DOK6: variants seen among roughly 807,000 people sequenced by gnomAD.
DOK6 encodes the protein downstream of tyrosine kinase 6.
DOK6 carries 22 observed loss-of-function variants against 44.0 expected under a neutral mutation model. The ratio of observed to expected loss-of-function variants is 0.50; its 90% CI spans 0.36 to 0.71. DOK6 has a LOEUF of 0.71. Ranked by LOEUF, DOK6 falls within the 30% of genes least tolerant of loss-of-function variation. DOK6 has a pLI of 0.00. For missense variants in DOK6, 340 were observed against 416.4 expected (o/e 0.82, Z 1.60); for synonymous variants, 166 against 145.5 (o/e 1.14, Z -1.01).
In DOK6 at chr18:69,653,219, T is replaced by C. The variant is rs548153177; in HGVS notation, c.290-24515T>C. On this transcript the variant is annotated intron_variant, in intron 3 of 7. Transcript: ENST00000382713. Reference sequence around the variant, plus strand: ...CTTGAAGCGTTTGCCAATTCGTAAGTAACACAGGCTGCAAGCCCACCCAGA... The same window carrying C: ...CTTGAAGCGTTTGCCAATTCGTAAGCAACACAGGCTGCAAGCCCACCCAGA... Among the ~76,000 whole-genome samples the C allele has an allele frequency of 6.6e-5, 10 of 151,476 alleles. No individual in the cohort carries two copies. In the East Asian group the frequency reaches 1.8e-3, roughly 27 times the overall value.
intron 7 of DOK6, among the ~76,000 whole-genome samples, chr18:69,835,689 A>G (rs1982035467): frequency 6.6e-6 from 1 of 152,100 alleles, no homozygotes; most frequent in Non-Finnish European, 1.5e-5. Flanking sequence ...CTCTGTGTCT[A>G]TCTAGGCCCA....
chr18:69,564,464 G>A (rs745350126), intron 1 of DOK6, 23 bp from the exon 2 acceptor site: 2 of 1,602,564 alleles, frequency 1.2e-6, no homozygotes, highest in African/African-American at 2.7e-5. Context: ...TATGGATAAT[G>A]GGATTCCTTT....
At chr18:69,601,802 G>A (rs763940334) in intron 3 of DOK6, among the ~76,000 whole-genome samples, 14 of 152,126 alleles carry the variant, frequency 9.2e-5, no homozygotes, top group East Asian at 5.8e-4. Flanking sequence ...TTCTAGGACC[G>A]GGGCATGAAA....
intron 1 of DOK6, among the ~76,000 whole-genome samples, chr18:69,505,552 C>A (rs1222659794): frequency 7.6e-6 from 1 of 131,980 alleles, no homozygotes; most frequent in Non-Finnish European, 1.5e-5. Context: ...GGCTGGAGTG[C>A]AATGGTGTAA....
intron 5 of DOK6, among the ~76,000 whole-genome samples, chr18:69,710,890 C>T (rs1409367939): frequency 6.6e-6 from 1 of 152,184 alleles, no homozygotes; most frequent in African/African-American, 2.4e-5. Context: ...TCTACTTTCA[C>T]CTGACCCAAG....
At chr18:69,681,995 C>T (rs1242445621) in intron 4 of DOK6, among the ~76,000 whole-genome samples, 1 of 152,202 alleles carries the variant, frequency 6.6e-6, no homozygotes, top group Non-Finnish European at 1.5e-5. Flanking sequence ...TTGCCTTTCT[C>T]TGGGACCCAG....
intron 7 of DOK6, among the ~76,000 whole-genome samples, chr18:69,777,077 G>A (rs149934277): frequency 6.6e-6 from 1 of 150,894 alleles, no homozygotes; most frequent in African/African-American, 2.4e-5. Context: ...CACCAGCATG[G>A]CACATGTATA....
intron 1 of DOK6, among the ~76,000 whole-genome samples, chr18:69,441,926 A>C (rs1979148422): frequency 6.6e-6 from 1 of 152,158 alleles, no homozygotes; most frequent in South Asian, 2.1e-4. Flanking sequence ...TCAGGCTGGA[A>C]GGAAGGCAGA....
rs60177854 is a variant in DOK6 at position 69,449,637 on chromosome 18, C to T, written c.66+48327C>T. Among the ~76,000 whole-genome samples the T allele has an allele frequency of 3.2e-3, 495 of 152,310 alleles. 2 individuals are homozygous for T. The highest frequency in any genetic ancestry group is 0.012 in the African/African-American group (478 of 41,560). On this transcript the variant is annotated intron_variant, in intron 1 of 7. Transcript: ENST00000382713. ...CAGACAAACAAAAAGACAGCAGGAA[C>T]CTCTGCAGACCTAAATGTCCCTGTC...
Position 69,401,326 on chromosome 18 carries a change from G to T in DOK6, c.66+16G>T, listed in dbSNP as rs1916093400. 6.0e-6 allele frequency: 9 copies of T among 1,510,372 alleles called. No homozygotes were observed. The highest frequency in any genetic ancestry group is 8.0e-6 in the Non-Finnish European group (9 of 1,128,074). 93.6% of individuals were successfully genotyped at this position (1,510,372 alleles called of 1,614,324 possible). On this transcript the variant is annotated intron_variant, in intron 1 of 7. Transcript: ENST00000382713. ...GAAGCTTGGGGTGAGTGGCTCGCTC[G>T]GCTTGCTCCTTCCCCGGCGCTCGTT... is the stretch of plus-strand genomic sequence containing the variant.
chr18:69,767,118 G>A (rs1979740796), intron 7 of DOK6, among the ~76,000 whole-genome samples: 2 of 152,118 alleles, frequency 1.3e-5, no homozygotes, highest in South Asian at 4.1e-4. Context: ...TGTAATTCCA[G>A]CTACTCAGGA....
intron 7 of DOK6, among the ~76,000 whole-genome samples, chr18:69,796,776 ACT>A (rs34000248): frequency 0.12 from 18,685 of 152,060 alleles, 1,698 homozygotes; most frequent in African/African-American, 0.25. Context: ...CAGCTGCAGG[ACT>A]CTGTGAGGCA....
chr18:69,470,835 G>A (rs1980078840), intron 1 of DOK6, among the ~76,000 whole-genome samples: 1 of 152,188 alleles, frequency 6.6e-6, no homozygotes, highest in Admixed American at 6.5e-5. Context: ...CTTTGACTTA[G>A]GTGCTGGGGA....
chr18:69,670,701 G>A (rs1339554040), intron 3 of DOK6, among the ~76,000 whole-genome samples: 2 of 151,856 alleles, frequency 1.3e-5, no homozygotes, highest in African/African-American at 4.8e-5. Context: ...GTAGAGACAG[G>A]GTTTCACCCT....
At chr18:69,402,911 C>G (rs1267385595) in intron 1 of DOK6, among the ~76,000 whole-genome samples, 1 of 152,168 alleles carries the variant, frequency 6.6e-6, no homozygotes. Context: ...CTCCAGGAGT[C>G]TGGTTGTTCC....
chr18:69,519,337 T>G (rs62095298), intron 1 of DOK6, among the ~76,000 whole-genome samples: 17,429 of 151,940 alleles, frequency 0.11, 1,283 homozygotes, highest in Non-Finnish European at 0.16. Flanking sequence ...CAAATTATAC[T>G]CATAGCCACT....
intron 1 of DOK6, among the ~76,000 whole-genome samples, chr18:69,553,508 T>G (rs191773756): frequency 1.4e-4 from 21 of 152,266 alleles, no homozygotes; most frequent in Non-Finnish European, 1.5e-5. Flanking sequence ...CATTAGAGTT[T>G]TCATAGCACC....
intron 1 of DOK6, among the ~76,000 whole-genome samples, chr18:69,422,023 TAGAA>T (rs1978507210): frequency 6.6e-6 from 1 of 152,206 alleles, no homozygotes. Context: ...TAGAATCACT[TAGAA>T]AGCCCTCAAT....
At chr18:69,409,030 G>A (rs2122387048) in intron 1 of DOK6, among the ~76,000 whole-genome samples, 1 of 152,196 alleles carries the variant, frequency 6.6e-6, no homozygotes, top group East Asian at 1.9e-4. Context: ...ATCCCCACGT[G>A]TCATGGGAGG....
Sources: gnomAD v4.1 joint callset for allele counts (sites outside exome capture counted in the v4.1 genomes callset) on GRCh38, gnomAD v4.1.1 for gene constraint, MANE v1.5 for transcripts, NCBI Gene and HGNC (gene_info 2026-07-23, HGNC 2026-07-21) for gene names.